The following RASGEF1A variants were observed in gnomAD, a reference collection of about 807,000 sequenced individuals.
RASGEF1A encodes ras-GEF domain-containing family member 1A.
A neutral mutation model predicts 56.4 loss-of-function variants in RASGEF1A; 18 were observed. That is an observed-to-expected ratio of 0.32 (90% CI 0.22 to 0.47). The LOEUF (loss-of-function observed/expected upper bound fraction) is 0.47, where lower values mean the gene tolerates loss of function less well. Ranked by LOEUF, RASGEF1A falls within the 20% of genes least tolerant of loss-of-function variation. The pLI is 1.00. For synonymous variants in RASGEF1A, 245 were observed against 242.6 expected, an observed-to-expected ratio of 1.01 and a Z score of -0.09; for missense variants, 422 against 627.1, an observed-to-expected ratio of 0.67 and a Z score of 3.49.
chr10:43,213,795 G>A (rs1054993729), intron 1 of RASGEF1A, among the ~76,000 whole-genome samples: 2 of 150,336 alleles, frequency 1.3e-5, no homozygotes, highest in African/African-American at 5.0e-5. Context: ...CCCAGCTAAT[G>A]TTTGTATTTT....
intron 1 of RASGEF1A, among the ~76,000 whole-genome samples, chr10:43,235,710 C>A (rs1028736550): frequency 5.3e-5 from 8 of 152,176 alleles, no homozygotes; most frequent in African/African-American, 1.9e-4. Flanking sequence ...GAGAGCCCAC[C>A]ACACTGAGTG....
rs2133181260 is a variant in RASGEF1A at position 43,200,653 on chromosome 10, A to G, written c.681+14T>C. ...CAGCCCCCACCCCCAGTCAGGGCATAAGGCAGCACTGACCAGCTCAATGTG... is the reference window on the plus strand; with the variant it reads ...CAGCCCCCACCCCCAGTCAGGGCATGAGGCAGCACTGACCAGCTCAATGTG... On this transcript the variant is annotated intron_variant, in intron 5 of 12. Transcript: ENST00000395810. 6.2e-7 allele frequency: 1 copy of G among 1,604,644 alleles called. No individual in the cohort carries two copies. Among genetic ancestry groups the G allele is most frequent in the Non-Finnish European group, 8.5e-7 (1 of 1,175,318 alleles).
chr10:43,250,871 C>T (rs1588950889), intron 1 of RASGEF1A, among the ~76,000 whole-genome samples: 1 of 152,302 alleles, frequency 6.6e-6, no homozygotes, highest in East Asian at 1.9e-4. Flanking sequence ...GGGAACAAGG[C>T]TCAATGGACC....
At chr10:43,197,344 G>C (rs1839815753) in intron 10 of RASGEF1A, among the ~76,000 whole-genome samples, 1 of 152,228 alleles carries the variant, frequency 6.6e-6, no homozygotes, top group African/African-American at 2.4e-5. Flanking sequence ...CCGGCAGCAG[G>C]GTCTCTGCCT....
In RASGEF1A at chr10:43,196,144, G is replaced by T; in HGVS notation, c.*100C>A. ...TCTCATAAAAGTTATATACAAAATG[G>T]ACCCCAACCAGTGAGGCCTCCTCAT... On this transcript the variant is annotated 3_prime_UTR_variant, in exon 13 of 13. Transcript: ENST00000395810. This position sits in a 1 kb window ranked among gnomAD's most constrained non-coding sequence, Gnocchi z 4.6. The T allele has an allele frequency of 9.2e-7, 1 of 1,091,250 alleles. No individual in the cohort carries two copies. The highest frequency in any genetic ancestry group is 1.5e-5 in the South Asian group (1 of 67,396). 67.6% of individuals were successfully genotyped at this position (1,091,250 alleles called of 1,614,324 possible). A position where few individuals can be genotyped will look rare whatever the true frequency, so the allele number is the denominator to read the frequency against.
intron 1 of RASGEF1A, among the ~76,000 whole-genome samples, chr10:43,224,540 T>C (rs1840248329): frequency 6.6e-6 from 1 of 152,200 alleles, no homozygotes; most frequent in South Asian, 2.1e-4. Context: ...AGGAAAGCCT[T>C]TGATGAAACT....
At position 43,205,910 on chromosome 10, in the gene RASGEF1A, C is replaced by T. The variant is rs76110904; in HGVS notation, c.198+9G>A. The T allele has an allele frequency of 3.8e-3, 6,043 of 1,606,754 alleles. 15 individuals are homozygous for T. Among genetic ancestry groups the T allele is most frequent in the Non-Finnish European group, 4.4e-3 (5,157 of 1,174,240 alleles). Reference sequence around the variant, plus strand: ...ATTAGTCTCACTCCACAAGGCCCCACGTACTCACATCGGGGTAATAGTCCA... The same window carrying T: ...ATTAGTCTCACTCCACAAGGCCCCATGTACTCACATCGGGGTAATAGTCCA... On this transcript the variant is annotated intron_variant, in intron 2 of 12. Transcript: ENST00000395810.
Position 43,206,527 on chromosome 10 carries a change from G to A in RASGEF1A, c.-6-405C>T, listed in dbSNP as rs1406274589. On this transcript the variant is annotated intron_variant, in intron 1 of 12. Transcript: ENST00000395810. ...CCCAGGATAAGAAAGGAACACCCTA[G>A]GCATGAGGTACAGTGAGTGCCAAGG... 5.3e-5 allele frequency among the ~76,000 whole-genome samples: 8 copies of A among 152,228 alleles called. No homozygotes were observed. The East Asian group carries it at 1.5e-3, about 29-fold the overall frequency.
intron 1 of RASGEF1A, among the ~76,000 whole-genome samples, chr10:43,235,213 G>A (rs113960333): frequency 3.2e-3 from 492 of 152,316 alleles, no homozygotes; most frequent in Middle Eastern, 0.01. Flanking sequence ...TTTCTGATGC[G>A]CAAGGCAACA....
In RASGEF1A at chr10:43,221,122, C is replaced by A. The variant is rs148166629; in HGVS notation, c.-6-15000G>T. ...AGAGGAGTGATCCCATCCCTCCACC[C>A]GGGGGTCTGCGGTCCCTCTGCTCTG... On this transcript the variant is annotated intron_variant, in intron 1 of 12. Transcript: ENST00000395810. 1.7e-3 allele frequency among the ~76,000 whole-genome samples: 256 copies of A among 152,266 alleles called. 1 individual carries two copies. The highest frequency in any genetic ancestry group is 5.8e-3 in the African/African-American group (239 of 41,550).
chr10:43,222,587 A>G (rs980152367), intron 1 of RASGEF1A, among the ~76,000 whole-genome samples: 10 of 152,230 alleles, frequency 6.6e-5, no homozygotes, highest in African/African-American at 2.2e-4. Flanking sequence ...AGGACAGGGA[A>G]GCTCCACGCC....
At chr10:43,249,665 C>G (rs1354519664) in intron 1 of RASGEF1A, among the ~76,000 whole-genome samples, 1 of 152,236 alleles carries the variant, frequency 6.6e-6, no homozygotes, top group Admixed American at 6.5e-5. Context: ...CATCCTGGAC[C>G]CTGGCTGGCC....
At chr10:43,239,005 T>A (rs752424779) in intron 1 of RASGEF1A, among the ~76,000 whole-genome samples, 1 of 152,254 alleles carries the variant, frequency 6.6e-6, no homozygotes, top group Non-Finnish European at 1.5e-5. Context: ...GGGGTATTAT[T>A]CATTCTAATC....
chr10:43,219,179 C>G (rs1477296815), intron 1 of RASGEF1A, among the ~76,000 whole-genome samples: 1 of 152,244 alleles, frequency 6.6e-6, no homozygotes, highest in South Asian at 2.1e-4. Context: ...CTGCTCCCCC[C>G]TCCCCTTGGC....
At chr10:43,229,668 T>TC in intron 1 of RASGEF1A, 1 of 1,489,680 alleles carries the variant, frequency 6.7e-7, no homozygotes, top group Admixed American at 2.2e-5. Flanking sequence ...GGCCGCCGGC[T>TC]CCCCGCGCCG....
At chr10:43,212,272 C>T (rs1276187072) in intron 1 of RASGEF1A, among the ~76,000 whole-genome samples, 2 of 152,214 alleles carry the variant, frequency 1.3e-5, no homozygotes, top group Non-Finnish European at 2.9e-5. Flanking sequence ...TCCTGCTGCC[C>T]GGGACTGTGC....
chr10:43,214,458 A>G (rs1242159347), intron 1 of RASGEF1A, among the ~76,000 whole-genome samples: 2 of 152,166 alleles, frequency 1.3e-5, no homozygotes, highest in African/African-American at 4.8e-5. Flanking sequence ...CCCCCTTCGT[A>G]GGTGTGTGCA....
chr10:43,200,719 C>T lies in RASGEF1A; in HGVS notation c.629G>A (p.Gly210Asp). 1.9e-6 allele frequency: 3 copies of T among 1,613,646 alleles called. No homozygotes were observed. Among genetic ancestry groups the T allele is most frequent in the East Asian group, 2.2e-5 (1 of 44,868 alleles). ...CAGCACCAGGGGGTCGCAGCACACG[C>T]CCAGGATGTCCTTCTGGGCGGCTGG... ...KPPAAQKDILGVCCDPLVLAQ... is the reference protein window; with the variant it reads ...KPPAAQKDILDVCCDPLVLAQ... The change falls in exon 5 of 13, where the codon GGC (glycine) becomes GAC (aspartate). Residue 210 changes from glycine to aspartate, a missense_variant. Transcript: ENST00000395810.
intron 2 of RASGEF1A, 31 bp from the exon 3 acceptor site, chr10:43,203,451 G>A: frequency 6.7e-7 from 1 of 1,497,680 alleles, no homozygotes; most frequent in South Asian, 1.3e-5. Context: ...GAGGGCGGAG[G>A]GAGGGTGAGG....
Sources: gnomAD v4.1 joint callset for allele counts (sites outside exome capture counted in the v4.1 genomes callset) on GRCh38, gnomAD v4.1.1 for gene constraint, Gnocchi (gnomAD v3.1) non-coding constraint, MANE v1.5 for transcripts, NCBI Gene and HGNC (gene_info 2026-07-23, HGNC 2026-07-21) for gene names.